Variants in CFAP99 observed in about 807,000 individuals in gnomAD.
CFAP99 encodes the protein cilia and flagella associated protein 99, also known as cilia- and flagella-associated protein 99.
A neutral mutation model predicts 82.7 loss-of-function variants in CFAP99; 84 were observed. The ratio of observed to expected loss-of-function variants is 1.02; its 90% CI spans 0.85 to 1.22. CFAP99 has a LOEUF of 1.22. CFAP99 is among the 50% of genes most tolerant of loss of function. CFAP99 has a pLI of 0.00. For synonymous variants in CFAP99, 456 were observed against 429.5 expected, an observed-to-expected ratio of 1.06 and a Z score of -0.76; for missense variants, 1,059 against 983.5, an observed-to-expected ratio of 1.08 and a Z score of -1.03.
At chr4:2,458,996 G>T in intron 12 of CFAP99, 111 bp from the exon 13 acceptor site, 1 of 1,445,466 alleles carries the variant, frequency 6.9e-7, no homozygotes, top group Non-Finnish European at 9.1e-7. Context: ...ACTCCCAGGT[G>T]GCCGCACTGA....
At chr4:2,437,921 C>T (rs191606382) in intron 3 of CFAP99, 149 bp from the exon 4 acceptor site, 87 of 565,396 alleles carry the variant, frequency 1.5e-4, no homozygotes, top group African/African-American at 1.4e-3. Context: ...TGTTTGTGTT[C>T]GCTTATCATT....
At chr4:2,452,301 C>T (rs1734323207) in exon 11 of CFAP99, 13 of 1,535,536 alleles carry the variant, frequency 8.5e-6, no homozygotes, top group Non-Finnish European at 1.0e-5. Context: ...CCCGGCAGAG[C>T]CTCATGCAGG....
intron 11 of CFAP99, among the ~76,000 whole-genome samples, chr4:2,457,199 TC>T (rs1734456956): frequency 1.3e-5 from 2 of 152,016 alleles, no homozygotes; most frequent in Admixed American, 6.6e-5. Context: ...CCCCTCAGCT[TC>T]CCCACGCGCT....
In CFAP99 at chr4:2,431,006, A is replaced by G. The variant is rs143633805; in HGVS notation, c.111+4420A>G. ...AGGATTGCTTGAGTCCAGGAGTTGA[A>G]GGCTATGATGAGCTATGATTGCACC... On this transcript the variant is annotated intron_variant, in intron 2 of 14. Transcript: ENST00000635017. Among the ~76,000 whole-genome samples the G allele has an allele frequency of 2.9e-3, 446 of 151,340 alleles. 1 individual carries two copies. The highest frequency in any genetic ancestry group is 0.01 in the African/African-American group (422 of 41,150).
exon 2 of CFAP99, chr4:2,426,575 A>G: frequency 6.5e-7 from 1 of 1,534,852 alleles, no homozygotes; most frequent in Non-Finnish European, 8.7e-7. Context: ...GGCTGCGGCC[A>G]CCTCCCTGCA....
rs1179509271 is a variant in CFAP99 at position 2,446,831 on chromosome 4, GGATGGATGATTGGATTGGTGAATGGATA to G, written c.642+1539_642+1566del. ...TGGGTGGATGAATGGATGGATGGAT[GGATGGATGATTGGATTGGTGAATGGATA>G]GATGGATGATTGGATGGAGGAATGA... is the stretch of plus-strand genomic sequence containing the variant. On this transcript the variant is annotated intron_variant, in intron 6 of 14. Coordinates refer to ENST00000635017, the Ensembl canonical transcript of CFAP99. The surrounding 1 kb of genome is among the most constrained non-coding windows in gnomAD (Gnocchi z 5.0). Among the ~76,000 whole-genome samples the G allele has an allele frequency of 6.6e-6, 1 of 151,660 alleles. No individual in the cohort carries two copies. The highest frequency in any genetic ancestry group is 2.4e-5 in the African/African-American group (1 of 41,286).
chr4:2,462,341 G>A lies in CFAP99; in HGVS notation c.1662-102G>A. The A allele has an allele frequency of 8.5e-7, 1 of 1,179,546 alleles. No homozygotes were observed. Among genetic ancestry groups the A allele is most frequent in the East Asian group, 3.2e-5 (1 of 30,796 alleles). 73.1% of individuals were successfully genotyped at this position (1,179,546 alleles called of 1,614,324 possible). ...ATCATTCCGGTGAACCTCTCCGGCT[G>A]CGTAGCTCCTTGCCCCCGCGTCGCT... is the stretch of plus-strand genomic sequence containing the variant. On this transcript the variant is annotated intron_variant, in intron 14 of 14. Coordinates refer to ENST00000635017, the Ensembl canonical transcript of CFAP99. The surrounding 1 kb of genome is among the most constrained non-coding windows in gnomAD (Gnocchi z 4.1).
rs1178188513 is a variant in CFAP99, at chr4:2,446,334, C to T, written c.642+1026C>T. On this transcript the variant is annotated intron_variant, in intron 6 of 14. Coordinates refer to ENST00000635017, the Ensembl canonical transcript of CFAP99. This position sits in a 1 kb window ranked among gnomAD's most constrained non-coding sequence, Gnocchi z 5.0. The stretch of plus-strand genomic sequence containing the variant: ...GCAGACATCATCCATCTTATTTGTC[C>T]CATATTCTCTTTTTATTTCATTTTA... 1.3e-5 allele frequency among the ~76,000 whole-genome samples: 2 copies of T among 151,922 alleles called. No homozygotes were observed. The highest frequency in any genetic ancestry group is 2.1e-4 in the South Asian group (1 of 4,802).
intron 1 of CFAP99, among the ~76,000 whole-genome samples, chr4:2,425,487 G>A (rs1733664383): frequency 6.6e-6 from 1 of 152,114 alleles, no homozygotes; most frequent in African/African-American, 2.4e-5. Context: ...CTGCTACCTG[G>A]GGCTGTTCTA....
At chr4:2,426,643 G>A (rs1422548151) in intron 2 of CFAP99, 57 bp downstream of exon 2, 2 of 1,140,132 alleles carry the variant, frequency 1.8e-6, no homozygotes, top group Non-Finnish European at 2.5e-6. Context: ...TTGTGCAGCT[G>A]TTCTGGTTAA....
At position 2,451,348 on chromosome 4, in the gene CFAP99, C is replaced by T; in HGVS notation, c.952C>T (p.Gln318Ter). 2 of 1,535,500 alleles carry T rather than the reference C, an allele frequency of 1.3e-6. No homozygotes were observed. Among genetic ancestry groups the T allele is most frequent in the Non-Finnish European group, 8.7e-7 (1 of 1,146,754 alleles). ...CCAGCGGCAGGTGGAGCAGGAGCTG[C>T]AGAGGTGAAGGGCGGCAGGCCCCCC... The change falls in exon 10 of 15, where the codon CAG becomes TAG. Residue 318 changes from glutamine to a stop codon, truncating the protein, a stop_gained. Coordinates refer to ENST00000635017, the Ensembl canonical transcript of CFAP99. LOFTEE classifies it high-confidence loss of function.
intron 14 of CFAP99, among the ~76,000 whole-genome samples, chr4:2,460,669 A>G (rs750322963): frequency 4.6e-5 from 7 of 152,078 alleles, no homozygotes; most frequent in Non-Finnish European, 7.3e-5. Flanking sequence ...AAATGGAACA[A>G]AAATTCCCAA....
chr4:2,455,610 A>G (rs552464397), intron 11 of CFAP99, among the ~76,000 whole-genome samples: 10 of 152,254 alleles, frequency 6.6e-5, no homozygotes, highest in African/African-American at 2.2e-4. Flanking sequence ...AATCGCTTGA[A>G]CCCAGGAGGT....
chr4:2,442,910 AG>A (rs1734078422), intron 4 of CFAP99, among the ~76,000 whole-genome samples: 1 of 130,128 alleles, frequency 7.7e-6, no homozygotes, highest in Non-Finnish European at 1.6e-5. Context: ...CCTTGGGGGC[AG>A]GGAGCTCACT....
rs148898753 is a variant in CFAP99, at chr4:2,435,503, A to C, written c.112-1371A>C. Among the ~76,000 whole-genome samples, 670 of 152,320 alleles carry C rather than the reference A, an allele frequency of 4.4e-3. 9 individuals are homozygous for C. In the Middle Eastern group the frequency reaches 0.044, roughly 10 times the overall value. On this transcript the variant is annotated intron_variant, in intron 2 of 14. Coordinates refer to ENST00000635017, the Ensembl canonical transcript of CFAP99. ...CATAGAGACCTTATAAAAATGACTA[A>C]GAAAAATGTTATCCCAATAAAAAAA...
intron 7 of CFAP99, 46 bp from the exon 8 acceptor site, chr4:2,449,888 C>A (rs1734261110): frequency 1.3e-6 from 2 of 1,534,832 alleles, no homozygotes; most frequent in Non-Finnish European, 1.7e-6. Flanking sequence ...CTGGAGGACA[C>A]TGGGCAGAGG....
intron 1 of CFAP99, among the ~76,000 whole-genome samples, chr4:2,423,738 G>T (rs1004866272): frequency 3.3e-5 from 5 of 152,376 alleles, no homozygotes; most frequent in African/African-American, 1.2e-4. Flanking sequence ...CTAGATTTCA[G>T]CATCTGTGGA....
chr4:2,455,356 T>C (rs1560389103), intron 11 of CFAP99, among the ~76,000 whole-genome samples: 4 of 152,258 alleles, frequency 2.6e-5, no homozygotes, highest in Non-Finnish European at 5.9e-5. Flanking sequence ...CAGTCTTTTC[T>C]TGTGTTGTGT....
intron 8 of CFAP99, 127 bp downstream of exon 8, chr4:2,450,132 G>A (rs1157106529): frequency 1.4e-5 from 13 of 954,000 alleles, no homozygotes; most frequent in East Asian, 2.6e-5. Flanking sequence ...GGGGAGGGGC[G>A]GATTCCCAGT....
Sources: gnomAD v4.1 joint callset for allele counts (sites outside exome capture counted in the v4.1 genomes callset) on GRCh38, gnomAD v4.1.1 for gene constraint, Gnocchi (gnomAD v3.1) non-coding constraint, MANE v1.5 for transcripts, NCBI Gene and HGNC (gene_info 2026-07-23, HGNC 2026-07-21) for gene names.